HK2: variants seen among roughly 807,000 people sequenced by gnomAD.
The protein encoded by HK2 is hexokinase-2.
Under a neutral mutation model 92.9 loss-of-function variants are expected in HK2, and 42 were observed. The ratio of observed to expected loss-of-function variants is 0.45; its 90% CI spans 0.35 to 0.58. The LOEUF (loss-of-function observed/expected upper bound fraction) is 0.58. Among genes scored for constraint, HK2 ranks in the 20% least tolerant of loss-of-function variants. HK2 has a pLI of 0.00. For missense variants in HK2, 978 were observed against 1,245.1 expected, an observed-to-expected ratio of 0.79 and a Z score of 3.23; for synonymous variants, 422 against 468.0, an observed-to-expected ratio of 0.90 and a Z score of 1.27.
At chr2:74,861,924 C>T (rs1397305680) in intron 2 of HK2, among the ~76,000 whole-genome samples, 4 of 152,118 alleles carry the variant, frequency 2.6e-5, no homozygotes, top group Non-Finnish European at 4.4e-5. Context: ...AGTGTCAGAT[C>T]GATCATTTGA....
chr2:74,835,290 A>G (rs994287128), intron 1 of HK2: 2 of 160,296 alleles, frequency 1.2e-5, no homozygotes, highest in African/African-American at 4.8e-5. Context: ...CGCCCCTCCA[A>G]ATCAGCCTCG....
chr2:74,854,481 G>A, intron 2 of HK2, 26 bp downstream of exon 2: 1 of 1,613,802 alleles, frequency 6.2e-7, no homozygotes, highest in South Asian at 1.1e-5. Context: ...GATGGCTCTA[G>A]CTGCTGCGTT....
chr2:74,848,908 C>T (rs902374603), intron 1 of HK2, among the ~76,000 whole-genome samples: 1 of 152,194 alleles, frequency 6.6e-6, no homozygotes, highest in Non-Finnish European at 1.5e-5. Flanking sequence ...CTAGTTTCAA[C>T]TGTGTGACCT....
At chr2:74,848,144 AG>A (rs1361380256) in intron 1 of HK2, among the ~76,000 whole-genome samples, 1 of 152,162 alleles carries the variant, frequency 6.6e-6, no homozygotes, top group East Asian at 1.9e-4. Context: ...GAGCTCCAAA[AG>A]TATCCCCTTT....
At chr2:74,851,892 T>C (rs1459680900) in intron 1 of HK2, among the ~76,000 whole-genome samples, 1 of 152,214 alleles carries the variant, frequency 6.6e-6, no homozygotes, top group Non-Finnish European at 1.5e-5. Flanking sequence ...TTAATGGATA[T>C]GGACAGCCTG....
Position 74,891,154 on chromosome 2 carries a change from T to C in HK2, c.*213T>C. ...AAATAGAGTTCCAAATAAGGATTTG[T>C]TCACATGCATCATAACCATTCCCAT... On this transcript the variant is annotated 3_prime_UTR_variant, in exon 18 of 18. Transcript: ENST00000290573. The C allele has an allele frequency of 1.7e-6, 1 of 587,932 alleles. No homozygotes were observed. Among genetic ancestry groups the C allele is most frequent in the Non-Finnish European group, 3.0e-6 (1 of 331,738 alleles). 36.4% of individuals were successfully genotyped at this position (587,932 alleles called of 1,614,324 possible). A position where few individuals can be genotyped will look rare whatever the true frequency, so the allele number is the denominator to read the frequency against.
At chr2:74,848,275 A>G (rs680015) in intron 1 of HK2, among the ~76,000 whole-genome samples, 121,211 of 152,176 alleles carry the variant, frequency 0.8, 48,601 homozygotes, top group African/African-American at 0.88. Context: ...ACACTCATTG[A>G]TCTATAATAT....
intron 2 of HK2, among the ~76,000 whole-genome samples, chr2:74,865,418 G>A (rs756268062): frequency 6.6e-6 from 1 of 152,136 alleles, no homozygotes; most frequent in Non-Finnish European, 1.5e-5. Context: ...TCGGTCCCCT[G>A]TGGTCACTGA....
chr2:74,859,404 A>G (rs1448903477), intron 2 of HK2, among the ~76,000 whole-genome samples: 1 of 152,182 alleles, frequency 6.6e-6, no homozygotes, highest in African/African-American at 2.4e-5. Flanking sequence ...AATAAATAGA[A>G]GGCCGGGCAT....
intron 2 of HK2, among the ~76,000 whole-genome samples, chr2:74,858,958 A>G (rs921172190): frequency 3.3e-5 from 5 of 152,256 alleles, no homozygotes; most frequent in African/African-American, 7.2e-5. Flanking sequence ...ACACAGTGTG[A>G]AGAAACACAG....
Position 74,874,477 on chromosome 2 carries a change from G to A in HK2, c.875+28G>A. The A allele has an allele frequency of 1.3e-6, 2 of 1,567,486 alleles. 1 individual carries two copies. Among genetic ancestry groups the A allele is most frequent in the South Asian group, 2.3e-5 (2 of 86,074 alleles). On this transcript the variant is annotated intron_variant, in intron 7 of 17. Coordinates refer to ENST00000290573, the MANE Select transcript of HK2 (RefSeq NM_000189.5). ...GAGTAGGCCCTTCCTGTGCGAGTGG[G>A]CTTGGCGGGGGCCTGGAGCTGAGTC... is the stretch of plus-strand genomic sequence containing the variant.
At chr2:74,878,458 CGTGT>C (rs780924381) in intron 8 of HK2, among the ~76,000 whole-genome samples, 1 of 150,604 alleles carries the variant, frequency 6.6e-6, no homozygotes, top group Non-Finnish European at 1.5e-5. Context: ...CATGCGTGTG[CGTGT>C]GTGTGTGGTG....
chr2:74,890,711 G>A (rs1046652995), intron 17 of HK2, 86 bp from the exon 18 acceptor site: 22 of 1,426,584 alleles, frequency 1.5e-5, no homozygotes, highest in Admixed American at 5.0e-5. Context: ...TTCCAGCATC[G>A]CTTCTTAGCT....
At chr2:74,839,146 G>GTT (rs962638144) in intron 1 of HK2, among the ~76,000 whole-genome samples, 1 of 152,124 alleles carries the variant, frequency 6.6e-6, no homozygotes, top group Non-Finnish European at 1.5e-5. Flanking sequence ...GAATTTTAAT[G>GTT]TTTTTTTAAG....
In HK2 at chr2:74,889,236, C is replaced by T. The variant is rs1689611765; in HGVS notation, c.2376-9C>T. 6.2e-7 allele frequency: 1 copy of T among 1,609,378 alleles called. No homozygotes were observed. The highest frequency in any genetic ancestry group is 1.3e-5 in the African/African-American group (1 of 74,946). On this transcript the variant is annotated splice_polypyrimidine_tract_variant and intron_variant, in intron 16 of 17. Transcript: ENST00000290573. ...TGACTGAACACTTGCTGTCTCCCTC[C>T]CACCCCAGTGACTGCCTGGCCCTGC...
chr2:74,858,454 TTCC>T (rs1003216916), intron 2 of HK2, among the ~76,000 whole-genome samples: 24 of 152,212 alleles, frequency 1.6e-4, no homozygotes, highest in Admixed American at 9.8e-4. Flanking sequence ...GATCCTCTAT[TTCC>T]TCATTTGTGA....
At chr2:74,849,380 A>G (rs1232715113) in intron 1 of HK2, among the ~76,000 whole-genome samples, 3 of 152,208 alleles carry the variant, frequency 2.0e-5, no homozygotes, top group Non-Finnish European at 4.4e-5. Context: ...AGAAATATCA[A>G]CTAACAGTGC....
chr2:74,874,860 T>C (rs1421593356), intron 7 of HK2, among the ~76,000 whole-genome samples: 1 of 152,126 alleles, frequency 6.6e-6, no homozygotes, highest in East Asian at 1.9e-4. Flanking sequence ...GAGGACAGGC[T>C]GACAGCTGGC....
At chr2:74,877,132 G>A in intron 7 of HK2, 34 bp from the exon 8 acceptor site, 1 of 1,612,656 alleles carries the variant, frequency 6.2e-7, no homozygotes, top group South Asian at 1.1e-5. Context: ...TGGGCAGTGG[G>A]GACTTTATGT....
Sources: allele counts gnomAD v4.1 joint callset (sites outside exome capture counted in the v4.1 genomes callset), GRCh38; gene constraint gnomAD v4.1.1; transcripts MANE v1.5; gene names NCBI Gene and HGNC (gene_info 2026-07-23, HGNC 2026-07-21).